Variants in NCEH1 observed in about 807,000 individuals in gnomAD.
The protein encoded by NCEH1 is neutral cholesterol ester hydrolase 1.
A neutral mutation model predicts 25.4 loss-of-function variants in NCEH1; 9 were observed. The observed-to-expected ratio is 0.35, with a 90% CI of 0.21 to 0.62. NCEH1 has a LOEUF of 0.62. Among genes scored for constraint, NCEH1 ranks in the 20% least tolerant of loss-of-function variants. The pLI, the probability that NCEH1 is intolerant of heterozygous loss-of-function variation, is 0.72. For synonymous variants in NCEH1, 200 were observed against 199.8 expected (o/e 1.00, Z -0.01); for missense variants, 412 against 501.1 (o/e 0.82, Z 1.70).
At chr3:172,640,259 G>GA (rs1374728900) in intron 3 of NCEH1, among the ~76,000 whole-genome samples, 1 of 152,144 alleles carries the variant, frequency 6.6e-6, no homozygotes, top group Non-Finnish European at 1.5e-5. Context: ...CATCACCCAA[G>GA]AAAATCTCAA....
chr3:172,635,774 G>A, intron 4 of NCEH1, 142 bp downstream of exon 4: 1 of 674,850 alleles, frequency 1.5e-6, no homozygotes, highest in Non-Finnish European at 2.6e-6. Context: ...AGCTCTACAA[G>A]TGTAATCACA....
intron 3 of NCEH1, among the ~76,000 whole-genome samples, chr3:172,636,687 G>A (rs1467519995): frequency 6.6e-6 from 1 of 152,144 alleles, no homozygotes; most frequent in South Asian, 2.1e-4. Context: ...TTTTCCAGAC[G>A]GCCTAGAGCA....
chr3:172,683,254 T>G (rs1712497743), intron 1 of NCEH1, among the ~76,000 whole-genome samples: 1 of 118,130 alleles, frequency 8.5e-6, no homozygotes, highest in South Asian at 3.1e-4. Context: ...ATACAAAAAA[T>G]TAGCCAGGCG....
rs141039162 is a variant in NCEH1 at position 172,637,702 on chromosome 3, A to T, written c.438-1615T>A. ...TCAGGAGTTCGAGACCAGCCTGACC[A>T]ACATGGTGAAAACCCGTTTCTACTA... is the stretch of plus-strand genomic sequence containing the variant. On this transcript the variant is annotated intron_variant, in intron 3 of 4. Coordinates refer to ENST00000475381, the MANE Select transcript of NCEH1 (RefSeq NM_020792.6). Among the ~76,000 whole-genome samples, 1,357 of 152,340 alleles carry T rather than the reference A, an allele frequency of 8.9e-3. 18 individuals are homozygous for T. Among genetic ancestry groups the T allele is most frequent in the African/African-American group, 0.031 (1,292 of 41,562 alleles).
intron 4 of NCEH1, among the ~76,000 whole-genome samples, chr3:172,635,504 T>A (rs1716559504): frequency 6.6e-6 from 1 of 151,758 alleles, no homozygotes; most frequent in Non-Finnish European, 1.5e-5. Flanking sequence ...AAAAAAAAGT[T>A]GGGGAAACAA....
At chr3:172,689,419 G>A (rs1712898070) in intron 1 of NCEH1, among the ~76,000 whole-genome samples, 1 of 151,332 alleles carries the variant, frequency 6.6e-6, no homozygotes, top group African/African-American at 2.4e-5. Flanking sequence ...CCTAATTTTT[G>A]TAGTTTTAGT....
chr3:172,667,268 T>C (rs1718258891), intron 1 of NCEH1, among the ~76,000 whole-genome samples: 1 of 152,214 alleles, frequency 6.6e-6, no homozygotes, highest in Non-Finnish European at 1.5e-5. Context: ...AGTACTTAAT[T>C]AGTAAGGGGA....
chr3:172,652,640 G>C (rs1717455325), intron 1 of NCEH1, among the ~76,000 whole-genome samples: 1 of 152,194 alleles, frequency 6.6e-6, no homozygotes. Context: ...CTGAGCTTAT[G>C]AAATCAGATT....
chr3:172,645,723 A>C (rs1022720247), intron 2 of NCEH1, 31 bp from the exon 3 acceptor site: 1 of 1,419,972 alleles, frequency 7.0e-7, no homozygotes, highest in African/African-American at 1.4e-5. Flanking sequence ...AATCATTACA[A>C]AACAGGTCAT....
At chr3:172,641,705 C>T (rs1275584773) in intron 3 of NCEH1, among the ~76,000 whole-genome samples, 1 of 152,192 alleles carries the variant, frequency 6.6e-6, no homozygotes, top group East Asian at 1.9e-4. Flanking sequence ...CCTCAGTCGT[C>T]CCTCCGTCTG....
chr3:172,665,741 T>C (rs559995498), intron 1 of NCEH1, among the ~76,000 whole-genome samples: 1 of 152,326 alleles, frequency 6.6e-6, no homozygotes, highest in South Asian at 2.1e-4. Flanking sequence ...GATCTTGGAC[T>C]GCTGTGCTAG....
At chr3:172,693,196 T>C (rs1489619660) in intron 1 of NCEH1, among the ~76,000 whole-genome samples, 3 of 152,242 alleles carry the variant, frequency 2.0e-5, no homozygotes, top group African/African-American at 7.2e-5. Context: ...AGCCAATAAA[T>C]GTCTGCTGAA....
At chr3:172,649,811 C>A (rs963234103) in intron 1 of NCEH1, among the ~76,000 whole-genome samples, 6 of 152,214 alleles carry the variant, frequency 3.9e-5, no homozygotes, top group Non-Finnish European at 7.3e-5. Flanking sequence ...GGTAGTTTGA[C>A]TGGCACGAAA....
rs943104849 is a variant in NCEH1, at chr3:172,631,285, C to G, written c.*2190G>C. ...TCTTTTTCTTCGAGACAGACAACCTCAAAATAAGGTCCAAATATTGGTTCC... is the reference window on the plus strand; with the variant it reads ...TCTTTTTCTTCGAGACAGACAACCTGAAAATAAGGTCCAAATATTGGTTCC... On this transcript the variant is annotated 3_prime_UTR_variant, in exon 5 of 5. Coordinates refer to ENST00000475381, the MANE Select transcript of NCEH1 (RefSeq NM_020792.6). 6 of 152,012 alleles carry G rather than the reference C, an allele frequency of 3.9e-5. No homozygotes were observed. Among genetic ancestry groups the G allele is most frequent in the African/African-American group, 1.4e-4 (6 of 41,388 alleles). 9.4% of individuals were successfully genotyped at this position (152,012 alleles called of 1,614,324 possible). A position where few individuals can be genotyped will look rare whatever the true frequency, so the allele number is the denominator to read the frequency against.
At chr3:172,659,702 T>C (rs939828906) in intron 1 of NCEH1, among the ~76,000 whole-genome samples, 2 of 152,194 alleles carry the variant, frequency 1.3e-5, no homozygotes, top group East Asian at 1.9e-4. Flanking sequence ...TAAATTAACA[T>C]ATAGCTTCAC....
chr3:172,675,315 A>AATT (rs1553835579), intron 1 of NCEH1, among the ~76,000 whole-genome samples: 11,521 of 134,570 alleles, frequency 0.086, 537 homozygotes, highest in African/African-American at 0.12. Context: ...ATAAATAAAT[A>AATT]AATAAATAAA....
chr3:172,671,929 A>G (rs907649060), intron 1 of NCEH1, among the ~76,000 whole-genome samples: 2 of 152,160 alleles, frequency 1.3e-5, no homozygotes, highest in Non-Finnish European at 2.9e-5. Context: ...TTAATTTTTA[A>G]AACAAATTTA....
chr3:172,705,975 G>A (rs930266896), intron 1 of NCEH1, among the ~76,000 whole-genome samples: 1 of 146,220 alleles, frequency 6.8e-6, no homozygotes, highest in Non-Finnish European at 1.5e-5. Flanking sequence ...TCCAGCCTGG[G>A]TGACACAGTG....
chr3:172,682,120 G>A (rs1239678801), intron 1 of NCEH1, among the ~76,000 whole-genome samples: 1 of 152,196 alleles, frequency 6.6e-6, no homozygotes, highest in South Asian at 2.1e-4. Context: ...GACAGAGCCT[G>A]TGGTGGAGGC....
Sources: allele counts gnomAD v4.1 joint callset (sites outside exome capture counted in the v4.1 genomes callset), GRCh38; gene constraint gnomAD v4.1.1; transcripts MANE v1.5; gene names NCBI Gene and HGNC (gene_info 2026-07-23, HGNC 2026-07-21).